Variants in MEGF11 observed in about 807,000 individuals in gnomAD.
The protein encoded by MEGF11 is multiple EGF like domains 11, also known as multiple epidermal growth factor-like domains protein 11.
MEGF11 carries 126 observed loss-of-function variants against 146.6 expected under a neutral mutation model. The ratio of observed to expected loss-of-function variants is 0.86; its 90% CI spans 0.74 to 1.00. The LOEUF is 1.00. Among genes scored for constraint, MEGF11 ranks in the 50% least tolerant of loss-of-function variants. The pLI, the probability that MEGF11 is intolerant of heterozygous loss-of-function variation, is 0.00. For synonymous variants in MEGF11, 532 were observed against 583.4 expected (o/e 0.91, Z 1.27); for missense variants, 1,509 against 1,521.2 (o/e 0.99, Z 0.13).
chr15:65,913,477 GAGA>G, intron 20 of MEGF11: 1 of 576,006 alleles, frequency 1.7e-6, no homozygotes, highest in Middle Eastern at 4.6e-4. Flanking sequence ...GAAGGCTGGT[GAGA>G]AGGATAGGGA....
chr15:66,052,493 A>G (rs1245479801), intron 5 of MEGF11, among the ~76,000 whole-genome samples: 2 of 152,152 alleles, frequency 1.3e-5, no homozygotes, highest in African/African-American at 2.4e-5. Context: ...CCTGATCCAC[A>G]TCCTGGGCTG....
At chr15:65,952,362 C>T (rs1220414555) in intron 10 of MEGF11, among the ~76,000 whole-genome samples, 1 of 152,140 alleles carries the variant, frequency 6.6e-6, no homozygotes, top group Non-Finnish European at 1.5e-5. Flanking sequence ...GATGTGATGC[C>T]AACCTGCAAG....
At chr15:66,036,739 G>C (rs1306800912) in intron 5 of MEGF11, among the ~76,000 whole-genome samples, 1 of 152,226 alleles carries the variant, frequency 6.6e-6, no homozygotes, top group East Asian at 1.9e-4. Flanking sequence ...AGGGAGCTGG[G>C]AGCCTTAAAC....
intron 4 of MEGF11, among the ~76,000 whole-genome samples, chr15:66,108,112 A>G (rs1038209524): frequency 5.3e-5 from 8 of 152,204 alleles, no homozygotes; most frequent in African/African-American, 1.9e-4. Flanking sequence ...GAATGAGAGA[A>G]TGTGGAGAAC....
At chr15:65,994,484 A>C (rs1302768096) in intron 5 of MEGF11, among the ~76,000 whole-genome samples, 1 of 152,168 alleles carries the variant, frequency 6.6e-6, no homozygotes, top group Non-Finnish European at 1.5e-5. Flanking sequence ...TGCCCTATTC[A>C]TGCTGGAGCT....
intron 1 of MEGF11, among the ~76,000 whole-genome samples, chr15:66,134,318 C>T (rs2088791118): frequency 6.6e-6 from 1 of 152,160 alleles, no homozygotes; most frequent in Non-Finnish European, 1.5e-5. Context: ...CCCCAGCCTC[C>T]AGCCCCTCGA....
chr15:66,111,428 A>G (rs2087398495), intron 4 of MEGF11, among the ~76,000 whole-genome samples: 1 of 152,266 alleles, frequency 6.6e-6, no homozygotes, highest in African/African-American at 2.4e-5. Flanking sequence ...ATATGTTTAA[A>G]TGCATAGCTG....
intron 5 of MEGF11, among the ~76,000 whole-genome samples, chr15:66,007,525 G>A (rs1192821725): frequency 6.6e-6 from 1 of 152,126 alleles, no homozygotes; most frequent in Non-Finnish European, 1.5e-5. Flanking sequence ...TGAGGTGGGT[G>A]GATCACTTGA....
intron 1 of MEGF11, among the ~76,000 whole-genome samples, chr15:66,213,673 T>A (rs572276661): frequency 6.6e-6 from 1 of 151,786 alleles, no homozygotes; most frequent in Non-Finnish European, 1.5e-5. Context: ...TGCCTCAGCA[T>A]CCCAAAGCAC....
intron 10 of MEGF11, among the ~76,000 whole-genome samples, chr15:65,939,786 C>T (rs1208620911): frequency 6.6e-6 from 1 of 152,196 alleles, no homozygotes; most frequent in East Asian, 1.9e-4. Context: ...AGCCACCGTG[C>T]CCAGCCCTCT....
chr15:66,178,018 C>G (rs2090437106), intron 1 of MEGF11, among the ~76,000 whole-genome samples: 1 of 151,552 alleles, frequency 6.6e-6, no homozygotes, highest in African/African-American at 2.4e-5. Flanking sequence ...GGGTCTCACT[C>G]TATTGCCCAG....
chr15:66,168,322 C>T (rs1488272275), intron 1 of MEGF11, among the ~76,000 whole-genome samples: 2 of 152,092 alleles, frequency 1.3e-5, no homozygotes, highest in Non-Finnish European at 2.9e-5. Context: ...ATGGTAATTC[C>T]TCTGATGCCC....
intron 11 of MEGF11, 126 bp downstream of exon 11, chr15:65,930,697 G>C: frequency 4.9e-6 from 6 of 1,224,148 alleles, no homozygotes; most frequent in Non-Finnish European, 5.5e-6. Context: ...AACCAATATA[G>C]GCTCCCTGAC....
intron 4 of MEGF11, among the ~76,000 whole-genome samples, chr15:66,098,981 G>C (rs1046075826): frequency 6.6e-6 from 1 of 152,138 alleles, no homozygotes; most frequent in Non-Finnish European, 1.5e-5. Context: ...CCTTTCCTCA[G>C]CCCACCTAGA....
At chr15:66,122,122 G>T (rs771892618) in intron 3 of MEGF11, among the ~76,000 whole-genome samples, 15 of 152,132 alleles carry the variant, frequency 9.9e-5, no homozygotes, top group South Asian at 2.1e-4. Context: ...AATTAGAAGG[G>T]TGTGGTGGTG....
At chr15:66,063,970 A>G (rs1339769196) in intron 5 of MEGF11, among the ~76,000 whole-genome samples, 1 of 152,104 alleles carries the variant, frequency 6.6e-6, no homozygotes, top group Admixed American at 6.5e-5. Context: ...GAAACTGTCA[A>G]CTCTGCAGGT....
chr15:66,019,234 G>A (rs78537233), intron 5 of MEGF11, among the ~76,000 whole-genome samples: 2 of 152,260 alleles, frequency 1.3e-5, no homozygotes, highest in Non-Finnish European at 2.9e-5. Flanking sequence ...CCCAGAGGCC[G>A]CAGACAGCAC....
intron 7 of MEGF11, among the ~76,000 whole-genome samples, chr15:65,978,407 T>G (rs1307597427): frequency 6.6e-6 from 1 of 152,216 alleles, no homozygotes; most frequent in Non-Finnish European, 1.5e-5. Context: ...AATTCAATTG[T>G]CTACAATAAA....
intron 10 of MEGF11, among the ~76,000 whole-genome samples, chr15:65,939,862 T>TA (rs2141365696): frequency 6.6e-6 from 1 of 152,332 alleles, no homozygotes; most frequent in East Asian, 1.9e-4. Context: ...TTGTGTCACT[T>TA]ACCACAGTTG....
Sources: gnomAD v4.1 joint callset for allele counts (sites outside exome capture counted in the v4.1 genomes callset) on GRCh38, gnomAD v4.1.1 for gene constraint, MANE v1.5 for transcripts, NCBI Gene and HGNC (gene_info 2026-07-23, HGNC 2026-07-21) for gene names.